The following GPAT3 variants were observed in gnomAD, a reference collection of about 807,000 sequenced individuals.
GPAT3 encodes glycerol-3-phosphate acyltransferase 3, also known as 1-AGP acyltransferase 9.
A neutral mutation model predicts 58.8 loss-of-function variants in GPAT3; 53 were observed. The observed-to-expected ratio is 0.90, with a 90% CI of 0.72 to 1.13. The LOEUF (loss-of-function observed/expected upper bound fraction) is 1.13. GPAT3 is among the 50% of genes most tolerant of loss of function. The probability of loss-of-function intolerance (pLI) is 0.00; values close to 1 mark genes in which losing one functional copy is unlikely to be tolerated. For synonymous variants in GPAT3, 197 were observed against 187.4 expected, an observed-to-expected ratio of 1.05 and a Z score of -0.42; for missense variants, 511 against 527.6, an observed-to-expected ratio of 0.97 and a Z score of 0.31.
intron 2 of GPAT3, among the ~76,000 whole-genome samples, chr4:83,578,467 G>A (rs1725900425): frequency 6.6e-6 from 1 of 152,142 alleles, no homozygotes; most frequent in African/African-American, 2.4e-5. Context: ...GGCGTTGTTT[G>A]CAGATCTCTT....
In GPAT3 at chr4:83,536,113, C is replaced by T; in HGVS notation, c.-510C>T. On this transcript the variant is annotated 5_prime_UTR_variant, in exon 1 of 12. Transcript: ENST00000264409. Reference sequence around the variant, plus strand: ...CTGGGCGCCCGAGCGCAGCCAGCTTCCAGCACAGCCCGCGGCCCGGTGCCA... The same window carrying T: ...CTGGGCGCCCGAGCGCAGCCAGCTTTCAGCACAGCCCGCGGCCCGGTGCCA... 3.0e-6 allele frequency: 3 copies of T among 985,796 alleles called. No homozygotes were observed. The highest frequency in any genetic ancestry group is 1.1e-4 in the East Asian group (1 of 8,788). The allele number at this position is 985,796 out of a possible 1,614,324, so 61.1% of individuals were successfully genotyped here.
intron 11 of GPAT3, among the ~76,000 whole-genome samples, chr4:83,601,336 A>G (rs1317996080): frequency 1.3e-5 from 2 of 152,256 alleles, no homozygotes; most frequent in African/African-American, 2.4e-5. Context: ...GAATAACACT[A>G]AAATATTTAT....
At chr4:83,562,204 A>ATAT (rs3972371) in intron 2 of GPAT3, among the ~76,000 whole-genome samples, 1 of 38,486 alleles carries the variant, frequency 2.6e-5, no homozygotes, top group African/African-American at 9.4e-5. Flanking sequence ...TATATAATAT[A>ATAT]TATATATTAT....
chr4:83,563,458 T>G (rs1725255074), intron 2 of GPAT3, among the ~76,000 whole-genome samples: 1 of 151,556 alleles, frequency 6.6e-6, no homozygotes, highest in Non-Finnish European at 1.5e-5. Context: ...AAGTCTTTAT[T>G]ATTTTATTTT....
intron 5 of GPAT3, among the ~76,000 whole-genome samples, chr4:83,589,549 G>T (rs1402473770): frequency 6.6e-6 from 1 of 152,154 alleles, no homozygotes; most frequent in Non-Finnish European, 1.5e-5. Context: ...AGAAAAGTTT[G>T]CCAACCTCTG....
Position 83,600,131 on chromosome 4 carries a change from T to C in GPAT3, c.1205+1408T>C, listed in dbSNP as rs141212727. Among the ~76,000 whole-genome samples, 764 of 152,294 alleles carry C rather than the reference T, an allele frequency of 5.0e-3. 7 individuals are homozygous for C. The highest frequency in any genetic ancestry group is 0.017 in the African/African-American group (726 of 41,562). On this transcript the variant is annotated intron_variant, in intron 11 of 11. Transcript: ENST00000264409. ...GACTGGGTGGCTTAAACAACAGTTT[T>C]AGAACTGTTATTTTCCCACAGTTCT...
At chr4:83,566,403 T>A (rs1207957044) in intron 2 of GPAT3, among the ~76,000 whole-genome samples, 27 of 143,064 alleles carry the variant, frequency 1.9e-4, no homozygotes, top group African/African-American at 5.9e-4. Flanking sequence ...ATTCTTTTTT[T>A]TAAAAAATTA....
chr4:83,554,343 C>T (rs1248991794), intron 2 of GPAT3, among the ~76,000 whole-genome samples: 1 of 152,108 alleles, frequency 6.6e-6, no homozygotes, highest in African/African-American at 2.4e-5. Flanking sequence ...CAGTATCTAC[C>T]ACATTGAAAA....
At position 83,536,272 on chromosome 4, in the gene GPAT3, T is replaced by G; in HGVS notation, c.-351T>G. 9.7e-7 allele frequency: 1 copy of G among 1,034,590 alleles called. No individual in the cohort carries two copies. Among genetic ancestry groups the G allele is most frequent in the Non-Finnish European group, 1.2e-6 (1 of 862,122 alleles). 64.1% of individuals were successfully genotyped at this position (1,034,590 alleles called of 1,614,324 possible). A position where few individuals can be genotyped will look rare whatever the true frequency, so the allele number is the denominator to read the frequency against. ...AAATCAGGCACCGGGCGGGGCGGGT[T>G]CCTGGCTGCGCTCGCGCGCTCTGCC... On this transcript the variant is annotated 5_prime_UTR_variant, in exon 1 of 12. Transcript: ENST00000264409.
chr4:83,604,593 C>A, intron 11 of GPAT3, 75 bp from the exon 12 acceptor site: 1 of 1,157,694 alleles, frequency 8.6e-7, no homozygotes, highest in Non-Finnish European at 1.3e-6. Flanking sequence ...TATCATGCAG[C>A]ATGTAATTAT....
At chr4:83,599,404 C>A (rs1483115260) in intron 11 of GPAT3, among the ~76,000 whole-genome samples, 1 of 152,142 alleles carries the variant, frequency 6.6e-6, no homozygotes, top group Non-Finnish European at 1.5e-5. Context: ...AGTTGTATAT[C>A]CCACTTATGC....
intron 2 of GPAT3, among the ~76,000 whole-genome samples, chr4:83,547,486 T>C (rs1724584390): frequency 6.6e-6 from 1 of 151,612 alleles, no homozygotes; most frequent in Non-Finnish European, 1.5e-5. Context: ...TCTCCTGACC[T>C]TGTGATCTGC....
At position 83,594,052 on chromosome 4, in the gene GPAT3, A is replaced by G. The variant is rs1726717047; in HGVS notation, c.739-793A>G. Among the ~76,000 whole-genome samples, 4 of 152,184 alleles carry G rather than the reference A, an allele frequency of 2.6e-5. No individual in the cohort carries two copies. The South Asian group carries it at 8.3e-4, about 32-fold the overall frequency. ...TGTATTTCTTTTTGTAGAGATAAAC[A>G]CATGTATGCATATTATTTCCCCTTT... On this transcript the variant is annotated intron_variant, in intron 6 of 11. Coordinates refer to ENST00000264409, the MANE Select transcript of GPAT3 (RefSeq NM_032717.5).
At chr4:83,547,246 CTT>C (rs10618385) in intron 2 of GPAT3, among the ~76,000 whole-genome samples, 7,292 of 81,214 alleles carry the variant, frequency 0.09, 199 homozygotes, top group African/African-American at 0.22. Flanking sequence ...TTCTACTGCT[CTT>C]TTTTTTTTTT....
At chr4:83,546,845 CA>C (rs1452043791) in intron 2 of GPAT3, among the ~76,000 whole-genome samples, 1 of 152,170 alleles carries the variant, frequency 6.6e-6, no homozygotes, top group African/African-American at 2.4e-5. Flanking sequence ...GCTAATCCCA[CA>C]GCTGTGCATG....
chr4:83,600,345 T>G (rs970523090), intron 11 of GPAT3, among the ~76,000 whole-genome samples: 1 of 151,996 alleles, frequency 6.6e-6, no homozygotes, highest in Non-Finnish European at 1.5e-5. Flanking sequence ...TGCTCCACCC[T>G]CATGACCTCA....
At chr4:83,547,346 A>C (rs563828467) in intron 2 of GPAT3, among the ~76,000 whole-genome samples, 4 of 136,396 alleles carry the variant, frequency 2.9e-5, no homozygotes, top group Admixed American at 8.7e-5. Context: ...TCCGCCTCCC[A>C]GATTCACGCC....
intron 2 of GPAT3, among the ~76,000 whole-genome samples, chr4:83,553,689 AG>A (rs773131448): frequency 2.6e-5 from 4 of 152,054 alleles, no homozygotes; most frequent in Non-Finnish European, 5.9e-5. Context: ...GCTTGAGCCC[AG>A]GGGTTCAAGA....
intron 2 of GPAT3, among the ~76,000 whole-genome samples, chr4:83,553,436 A>C (rs1005727903): frequency 2.0e-5 from 3 of 152,202 alleles, no homozygotes; most frequent in African/African-American, 7.2e-5. Context: ...AACTAGTTAA[A>C]AAAAATGTAA....
Sources: allele counts gnomAD v4.1 joint callset (sites outside exome capture counted in the v4.1 genomes callset), GRCh38; gene constraint gnomAD v4.1.1; transcripts MANE v1.5; gene names NCBI Gene and HGNC (gene_info 2026-07-23, HGNC 2026-07-21).